The following KLHL8 variants were observed in gnomAD, a reference collection of about 807,000 sequenced individuals.
KLHL8 encodes the protein kelch-like protein 8.
KLHL8 carries 38 observed loss-of-function variants against 63.5 expected under a neutral mutation model. The observed-to-expected ratio is 0.60, with a 90% CI of 0.46 to 0.78. KLHL8 has a LOEUF of 0.78. Ranked by LOEUF, KLHL8 falls within the 30% of genes least tolerant of loss-of-function variation. The pLI is 0.00. For missense variants in KLHL8, 566 were observed against 752.4 expected (o/e 0.75, Z 2.90); for synonymous variants, 224 against 254.3 (o/e 0.88, Z 1.13).
intron 1 of KLHL8, 159 bp downstream of exon 1, chr4:87,220,259 G>T (rs2110061229): frequency 6.6e-6 from 1 of 152,480 alleles, no homozygotes; most frequent in African/African-American, 2.4e-5. Context: ...GTGCACGAGG[G>T]CTCGAATTTC....
rs773566995 is a variant in KLHL8, at chr4:87,185,744, T to C, written c.272A>G (p.Tyr91Cys). Reference sequence around the variant, plus strand: ...TTCAGAAAGAAACATGGCTCTAAAGTAGGGAATAACACAAGCCAATACCAG... The same window carrying C: ...TTCAGAAAGAAACATGGCTCTAAAGCAGGGAATAACACAAGCCAATACCAG... ...HKLVLACVIP[Y>C]FRAMFLSEMA... The change falls in exon 3 of 10, where the codon TAC becomes TGC. Residue 91 changes from tyrosine (Y) to cysteine (C), a missense_variant. Coordinates refer to ENST00000273963, the MANE Select transcript of KLHL8 (RefSeq NM_020803.5). 1 of 1,612,604 alleles carries C rather than the reference T, an allele frequency of 6.2e-7. No homozygotes were observed. The highest frequency in any genetic ancestry group is 8.5e-7 in the Non-Finnish European group (1 of 1,179,444).
chr4:87,188,988 C>A (rs1039972490), intron 2 of KLHL8, among the ~76,000 whole-genome samples: 1 of 152,144 alleles, frequency 6.6e-6, no homozygotes, highest in Non-Finnish European at 1.5e-5. Flanking sequence ...TTAAATTTAA[C>A]GGAGTTTAAC....
intron 4 of KLHL8, among the ~76,000 whole-genome samples, chr4:87,181,577 G>C (rs978005156): frequency 6.7e-6 from 1 of 150,320 alleles, no homozygotes; most frequent in Non-Finnish European, 1.5e-5. Context: ...GTTCACATAG[G>C]AACATCGTAT....
chr4:87,196,852 T>TA (rs1301130334), intron 1 of KLHL8, among the ~76,000 whole-genome samples: 3 of 152,186 alleles, frequency 2.0e-5, no homozygotes, highest in African/African-American at 7.2e-5. Context: ...TCTTCATCTA[T>TA]AAACAGGGAT....
chr4:87,216,109 G>T (rs1455061931), intron 1 of KLHL8, among the ~76,000 whole-genome samples: 1 of 152,178 alleles, frequency 6.6e-6, no homozygotes, highest in East Asian at 1.9e-4. Context: ...TTGTATTAAA[G>T]TCCCATTCTC....
chr4:87,191,796 T>C (rs1731502705), intron 2 of KLHL8, among the ~76,000 whole-genome samples: 1 of 150,564 alleles, frequency 6.6e-6, no homozygotes, highest in African/African-American at 2.4e-5. Flanking sequence ...CCACCACTAT[T>C]TTTCCCATTT....
rs555543933 is a variant in KLHL8 at position 87,220,564 on chromosome 4, GC to G, written c.-299del. 5.9e-5 allele frequency: 9 copies of G among 152,158 alleles called. No individual in the cohort carries two copies. The South Asian group carries it at 1.2e-3, about 21-fold the overall frequency. The allele number at this position is 152,158 out of a possible 1,614,324, so 9.4% of individuals were successfully genotyped here. ...GCGCTCTCCTGCGCGGCCCCGCGGAGCCCCGGCGGGCGCTTGGCGTCCTCTC... is the reference window on the plus strand; with the variant it reads ...GCGCTCTCCTGCGCGGCCCCGCGGAGCCCGGCGGGCGCTTGGCGTCCTCTC... On this transcript the variant is annotated 5_prime_UTR_variant, in exon 1 of 10. Coordinates refer to ENST00000273963, the MANE Select transcript of KLHL8 (RefSeq NM_020803.5).
intron 1 of KLHL8, chr4:87,207,975 T>C (rs1732212873): frequency 5.1e-6 from 4 of 781,166 alleles, no homozygotes; most frequent in Non-Finnish European, 6.8e-6. Flanking sequence ...CCTTCAATGT[T>C]AGGGCTGGCA....
chr4:87,167,112 A>T (rs778711914), intron 8 of KLHL8: 1 of 445,116 alleles, frequency 2.2e-6, no homozygotes, highest in African/African-American at 2.0e-5. Context: ...AAGCACCTCA[A>T]TGGAATTCGG....
chr4:87,213,912 T>A (rs936582600), intron 1 of KLHL8, among the ~76,000 whole-genome samples: 3 of 152,198 alleles, frequency 2.0e-5, no homozygotes, highest in Admixed American at 2.0e-4. Flanking sequence ...TCTGTGTTAA[T>A]TGTGCAGCCT....
At chr4:87,185,877 C>A in intron 2 of KLHL8, 78 bp from the exon 3 acceptor site, 1 of 1,251,664 alleles carries the variant, frequency 8.0e-7, no homozygotes. Context: ...GTGTTTGTAG[C>A]AGGGACAAAA....
intron 5 of KLHL8, 41 bp from the exon 6 acceptor site, chr4:87,176,909 TAAA>T: frequency 1.0e-6 from 1 of 959,142 alleles, no homozygotes; most frequent in Admixed American, 2.2e-5. Flanking sequence ...TCCAAACAAA[TAAA>T]TTCATATCAT....
In KLHL8 at chr4:87,173,671, G is replaced by A. The variant is rs146837949; in HGVS notation, c.1209-3056C>T. On this transcript the variant is annotated intron_variant, in intron 6 of 9. Transcript: ENST00000273963. ...TTTTTCACACAGATTGTAAATGCTC[G>A]GGGCATATTTTAAAAGATTAAAGAA... Among the ~76,000 whole-genome samples the A allele has an allele frequency of 7.2e-4, 110 of 152,252 alleles. 2 individuals carry two copies. The East Asian group carries it at 0.021, about 29-fold the overall frequency.
chr4:87,177,560 GCA>G (rs148227275), intron 5 of KLHL8, among the ~76,000 whole-genome samples: 11 of 150,156 alleles, frequency 7.3e-5, no homozygotes, highest in African/African-American at 1.9e-4. Context: ...TATAAACTGT[GCA>G]CACACACACA....
At chr4:87,226,829 T>A (rs188565585) in intron 1 of KLHL8, among the ~76,000 whole-genome samples, 240 of 5,360 alleles carry the variant, frequency 0.045, 52 homozygotes, top group Middle Eastern at 0.17. Flanking sequence ...TATATATTAT[T>A]TATAAATAAT....
At chr4:87,180,791 C>T (rs1578369933) in intron 4 of KLHL8, among the ~76,000 whole-genome samples, 1 of 152,004 alleles carries the variant, frequency 6.6e-6, no homozygotes, top group African/African-American at 2.4e-5. Flanking sequence ...ACCCATAATC[C>T]CAGCACTTTG....
At chr4:87,170,395 G>T in intron 7 of KLHL8, 52 bp downstream of exon 7, 1 of 1,529,310 alleles carries the variant, frequency 6.5e-7, no homozygotes, top group Non-Finnish European at 8.8e-7. Flanking sequence ...TCCTTATTTT[G>T]GTTATGAATG....
intron 1 of KLHL8, among the ~76,000 whole-genome samples, chr4:87,229,879 C>T (rs191410823): frequency 2.6e-5 from 4 of 152,122 alleles, no homozygotes; most frequent in East Asian, 1.9e-4. Context: ...TACAGGTGCC[C>T]GCCACCACCT....
intron 1 of KLHL8, chr4:87,219,472 C>G (rs1442161721): frequency 7.1e-6 from 1 of 141,140 alleles, no homozygotes; most frequent in East Asian, 2.1e-4. Context: ...AAGTATCCCT[C>G]TAAACTGGTA....
Sources: allele counts gnomAD v4.1 joint callset (sites outside exome capture counted in the v4.1 genomes callset), GRCh38; gene constraint gnomAD v4.1.1; transcripts MANE v1.5; gene names NCBI Gene and HGNC (gene_info 2026-07-23, HGNC 2026-07-21).